The following NTM variants were observed in gnomAD, a reference collection of about 807,000 sequenced individuals.
NTM encodes neurotrimin, also known as IgLON family member 2.
A neutral mutation model predicts 42.1 loss-of-function variants in NTM; 13 were observed. That is an observed-to-expected ratio of 0.31 (90% CI 0.20 to 0.49). The LOEUF is 0.49. Ranked by LOEUF, NTM falls within the 20% of genes least tolerant of loss-of-function variation. The pLI, the probability that NTM is intolerant of heterozygous loss-of-function variation, is 0.99. For synonymous variants in NTM, 187 were observed against 179.2 expected (o/e 1.04, Z -0.35); for missense variants, 373 against 452.8 (o/e 0.82, Z 1.60).
chr11:131,594,039 A>G (rs1565679119), intron 1 of NTM, among the ~76,000 whole-genome samples: 1 of 152,218 alleles, frequency 6.6e-6, no homozygotes, highest in Non-Finnish European at 1.5e-5. Context: ...AGCCTTATAT[A>G]GTCTTGTTTC....
At chr11:131,595,283 C>T (rs1214001392) in intron 1 of NTM, among the ~76,000 whole-genome samples, 1 of 152,112 alleles carries the variant, frequency 6.6e-6, no homozygotes, top group African/African-American at 2.4e-5. Context: ...CATGCGCCTC[C>T]ACCAGCTGAA....
intron 1 of NTM, among the ~76,000 whole-genome samples, chr11:131,577,259 G>A (rs1425172754): frequency 6.6e-6 from 1 of 152,066 alleles, no homozygotes; most frequent in East Asian, 1.9e-4. Flanking sequence ...TGAGGATGGG[G>A]AAAACATCCT....
intron 1 of NTM, among the ~76,000 whole-genome samples, chr11:131,690,082 C>T (rs569336149): frequency 3.0e-4 from 46 of 152,232 alleles, no homozygotes; most frequent in African/African-American, 1.1e-3. Context: ...GAGATCAGCA[C>T]GTCTCTCCCC....
chr11:131,560,028 G>T (rs2056017666), intron 1 of NTM, among the ~76,000 whole-genome samples: 2 of 152,178 alleles, frequency 1.3e-5, no homozygotes, highest in Non-Finnish European at 2.9e-5. Context: ...CTCTGCAATT[G>T]GTGCTATTTA....
chr11:131,445,882 C>G (rs959333521), intron 1 of NTM, among the ~76,000 whole-genome samples: 3 of 152,168 alleles, frequency 2.0e-5, no homozygotes, highest in Admixed American at 2.0e-4. Context: ...TAACGGTGCT[C>G]ATTAATTGAC....
chr11:132,296,589 C>T (rs1041049299), intron 4 of NTM, among the ~76,000 whole-genome samples: 12 of 152,122 alleles, frequency 7.9e-5, no homozygotes, highest in African/African-American at 2.9e-4. Context: ...TAAGAGACGT[C>T]GCCATACTGA....
intron 2 of NTM, among the ~76,000 whole-genome samples, chr11:131,949,110 C>G (rs941709014): frequency 6.6e-6 from 1 of 152,176 alleles, no homozygotes; most frequent in African/African-American, 2.4e-5. Context: ...CTTATTTCAC[C>G]TAGTGTGATG....
chr11:131,972,324 G>T (rs2063676657), intron 2 of NTM, among the ~76,000 whole-genome samples: 2 of 151,806 alleles, frequency 1.3e-5, no homozygotes, highest in African/African-American at 2.4e-5. Flanking sequence ...AATAGTGTCT[G>T]GCCAAACACA....
chr11:132,085,631 A>G lies in NTM; in HGVS notation c.168-60651A>G, dbSNP rs150471079. 8.5e-5 allele frequency among the ~76,000 whole-genome samples: 13 copies of G among 152,356 alleles called. No individual in the cohort carries two copies. In the East Asian group the frequency reaches 1.3e-3, roughly 16 times the overall value. On this transcript the variant is annotated intron_variant, in intron 2 of 8. Transcript: ENST00000683400. ...CGTTAAAGCTTTTATTTTTCCTTCA[A>G]AAGTATTTCAGTTAAGCACTTATTT...
intron 1 of NTM, among the ~76,000 whole-genome samples, chr11:131,823,223 T>G (rs1438371865): frequency 6.6e-6 from 1 of 152,204 alleles, no homozygotes; most frequent in Admixed American, 6.5e-5. Flanking sequence ...CTTAGAGGGT[T>G]ATTTTCTTCC....
intron 1 of NTM, among the ~76,000 whole-genome samples, chr11:131,652,782 C>A (rs988982618): frequency 1.3e-5 from 2 of 152,220 alleles, no homozygotes; most frequent in African/African-American, 4.8e-5. Context: ...AATAGGATTG[C>A]TCCACGCTGC....
At chr11:132,245,125 C>T (rs1457006037) in intron 4 of NTM, among the ~76,000 whole-genome samples, 5 of 152,158 alleles carry the variant, frequency 3.3e-5, no homozygotes, top group Non-Finnish European at 7.3e-5. Context: ...AGAGGTTCCC[C>T]GGCCCCTGCC....
chr11:131,664,291 G>A (rs1386800273), intron 1 of NTM, among the ~76,000 whole-genome samples: 2 of 152,214 alleles, frequency 1.3e-5, no homozygotes, highest in Non-Finnish European at 2.9e-5. Context: ...CTTAACCAGA[G>A]ACCAAGTACC....
intron 4 of NTM, among the ~76,000 whole-genome samples, chr11:132,241,131 C>A (rs2090121859): frequency 6.6e-6 from 1 of 152,108 alleles, no homozygotes; most frequent in Admixed American, 6.5e-5. Context: ...CCCAAGATAT[C>A]CCATTATGTA....
At chr11:131,898,127 C>G (rs891938173) in intron 1 of NTM, among the ~76,000 whole-genome samples, 1 of 152,168 alleles carries the variant, frequency 6.6e-6, no homozygotes, top group Non-Finnish European at 1.5e-5. Flanking sequence ...GGTTAGCTAT[C>G]TCTCCTAAGA....
chr11:132,216,475 C>G (rs2138757859), intron 4 of NTM, among the ~76,000 whole-genome samples: 1 of 152,280 alleles, frequency 6.6e-6, no homozygotes, highest in South Asian at 2.1e-4. Flanking sequence ...CTTCACCTTT[C>G]TGTCATCAAA....
intron 3 of NTM, among the ~76,000 whole-genome samples, chr11:132,188,118 G>C (rs528189980): frequency 6.6e-6 from 1 of 152,150 alleles, no homozygotes; most frequent in South Asian, 2.1e-4. Context: ...GTGTGTGTTT[G>C]TGTGTCAGGG....
chr11:132,047,506 G>A (rs950066653), intron 2 of NTM, among the ~76,000 whole-genome samples: 2 of 152,206 alleles, frequency 1.3e-5, no homozygotes, highest in Non-Finnish European at 2.9e-5. Context: ...TCAAAGGATT[G>A]ATCTCAGCAC....
At chr11:132,330,723 C>G (rs141077529) in intron 8 of NTM, among the ~76,000 whole-genome samples, 8 of 152,332 alleles carry the variant, frequency 5.3e-5, no homozygotes, top group Non-Finnish European at 1.0e-4. Flanking sequence ...ATAATTGACA[C>G]TCATCACCGT....
Sources: allele counts gnomAD v4.1 joint callset (sites outside exome capture counted in the v4.1 genomes callset), GRCh38; gene constraint gnomAD v4.1.1; transcripts MANE v1.5; gene names NCBI Gene and HGNC (gene_info 2026-07-23, HGNC 2026-07-21).